URB2: variants seen among roughly 807,000 people sequenced by gnomAD.
The protein encoded by URB2 is URB2 ribosome biogenesis homolog.
Under a neutral mutation model 120.9 loss-of-function variants are expected in URB2, and 86 were observed. The observed-to-expected ratio is 0.71, with a 90% CI of 0.60 to 0.85. The LOEUF (loss-of-function observed/expected upper bound fraction) is 0.85, where lower values mean the gene tolerates loss of function less well. Among genes scored for constraint, URB2 ranks in the 40% least tolerant of loss-of-function variants. The pLI, the probability that URB2 is intolerant of heterozygous loss-of-function variation, is 0.00. For missense variants in URB2, 1,765 were observed against 1,836.5 expected, an observed-to-expected ratio of 0.96 and a Z score of 0.71; for synonymous variants, 755 against 758.4, an observed-to-expected ratio of 1.00 and a Z score of 0.07.
chr1:229,627,279 T>C (rs1340854675), intron 1 of URB2, among the ~76,000 whole-genome samples: 1 of 152,266 alleles, frequency 6.6e-6, no homozygotes, highest in African/African-American at 2.4e-5. Flanking sequence ...TATGAATGAC[T>C]CTTTCCACAA....
Position 229,646,280 on chromosome 1 carries a change from T to A in URB2, c.3906+311T>A, listed in dbSNP as rs554325631. On this transcript the variant is annotated intron_variant, in intron 6 of 9. Transcript: ENST00000258243. ...CTATCGTGGAGGCCTGCTTAATTTT[T>A]AAAATTTTATGTTTTATTATTTTTT... Among the ~76,000 whole-genome samples the A allele has an allele frequency of 1.1e-4, 17 of 152,328 alleles. No homozygotes were observed. In the South Asian group the frequency reaches 3.1e-3, roughly 28 times the overall value.
Position 229,635,086 on chromosome 1 carries a change from G to T in URB2, c.473G>T (p.Cys158Phe), listed in dbSNP as rs746217109. The T allele has an allele frequency of 6.2e-7, 1 of 1,614,074 alleles. No individual in the cohort carries two copies. Among genetic ancestry groups the T allele is most frequent in the Admixed American group, 1.7e-5 (1 of 60,032 alleles). Residue 158 changes from cysteine to phenylalanine, a missense_variant, in exon 4 of 10, where the codon TGC becomes TTC. Physicochemically the swap from Cys to Phe is radical, Grantham distance 205. Coordinates refer to ENST00000258243, the MANE Select transcript of URB2 (RefSeq NM_014777.4). ...ALLSQLCWSACRQPEGAVVAQ... is the reference protein window; with the variant it reads ...ALLSQLCWSAFRQPEGAVVAQ... ...CTGAGCCAGCTTTGCTGGTCGGCCT[G>T]CAGGCAGCCCGAAGGAGCTGTGGTA...
chr1:229,637,694 C>T lies in URB2; in HGVS notation c.3081C>T (p.Thr1027=), dbSNP rs3811475. ...TGGTGCTCAATTTTAGAAAAATCACCGCATTCCTCTCTAGTTCCAAACCAT... is the reference window on the plus strand; with the variant it reads ...TGGTGCTCAATTTTAGAAAAATCACTGCATTCCTCTCTAGTTCCAAACCAT... The part of the protein sequence containing the change: ...LSLVLNFRKI[T]AFLSSSKPYT... Residue 1027 remains threonine (T), a synonymous_variant, in exon 4 of 10, where the codon ACC becomes ACT. Transcript: ENST00000258243. The T allele has an allele frequency of 0.095, 152,841 of 1,614,004 alleles. 14,003 individuals carry two copies. The highest frequency in any genetic ancestry group is 0.47 in the East Asian group (21,268 of 44,866).
chr1:229,654,233 A>C lies in URB2; in HGVS notation c.4238-16A>C. On this transcript the variant is annotated splice_polypyrimidine_tract_variant and intron_variant, in intron 8 of 9. Transcript: ENST00000258243. ...TTTTTGAACTAATTGGTTGGGAAAC[A>C]CTTTGTTGTCTGTAGGAAGCATAGA... 6.2e-7 allele frequency: 1 copy of C among 1,612,364 alleles called. No homozygotes were observed.
chr1:229,636,467 T>G lies in URB2; in HGVS notation c.1854T>G (p.Ala618=). The change falls in exon 4 of 10, where the codon GCT becomes GCG. Residue 618 remains alanine (A), a synonymous_variant. Coordinates refer to ENST00000258243, the MANE Select transcript of URB2 (RefSeq NM_014777.4). ...LLSYTWAQVD[A]MFSLNCSQYH... Reference sequence around the variant, plus strand: ...CTTACACTTGGGCCCAGGTGGACGCTATGTTCAGTTTGAACTGTAGCCAGT... The same window carrying G: ...CTTACACTTGGGCCCAGGTGGACGCGATGTTCAGTTTGAACTGTAGCCAGT... 1 of 1,614,234 alleles carries G rather than the reference T, an allele frequency of 6.2e-7. No homozygotes were observed. Among genetic ancestry groups the G allele is most frequent in the Non-Finnish European group, 8.5e-7 (1 of 1,180,044 alleles).
chr1:229,657,364 C>T (rs1666428891), intron 9 of URB2, among the ~76,000 whole-genome samples: 1 of 152,212 alleles, frequency 6.6e-6, no homozygotes, highest in African/African-American at 2.4e-5. Context: ...GCTGCATTTT[C>T]ACTACTGAGA....
chr1:229,627,603 A>C lies in URB2; in HGVS notation c.-13-18A>C. The C allele has an allele frequency of 2.5e-6, 4 of 1,598,400 alleles. No individual in the cohort carries two copies. The South Asian group carries it at 3.4e-5, about 14-fold the overall frequency. ...ACATTGTTATAGTATTTTTTTTCCCATTGTTTTTAAATTTTAGATAAAGCC... is the reference window on the plus strand; with the variant it reads ...ACATTGTTATAGTATTTTTTTTCCCCTTGTTTTTAAATTTTAGATAAAGCC... On this transcript the variant is annotated intron_variant, in intron 1 of 9. Coordinates refer to ENST00000258243, the MANE Select transcript of URB2 (RefSeq NM_014777.4).
chr1:229,647,046 G>A (rs796878070), intron 6 of URB2, among the ~76,000 whole-genome samples: 18 of 152,304 alleles, frequency 1.2e-4, no homozygotes, highest in African/African-American at 4.3e-4. Flanking sequence ...CCATGCTGAC[G>A]GGCAGGGACA....
chr1:229,632,172 A>C lies in URB2; in HGVS notation c.127-97A>C. ...GGTTCTCCCCCGCCGCCCCCGTGGC[A>C]ATTGGATTTGCTTATACCTGTAATG... On this transcript the variant is annotated intron_variant, in intron 2 of 9. Transcript: ENST00000258243. 8.3e-6 allele frequency: 9 copies of C among 1,079,892 alleles called. No homozygotes were observed. In the East Asian group the frequency reaches 9.2e-5, roughly 11 times the overall value. The allele number at this position is 1,079,892 out of a possible 1,614,324, so 66.9% of individuals were successfully genotyped here. A position where few individuals can be genotyped will look rare whatever the true frequency, so the allele number is the denominator to read the frequency against.
rs562719159 is a variant in URB2, at chr1:229,634,094, A to C, written c.304-823A>C. 2.0e-5 allele frequency among the ~76,000 whole-genome samples: 3 copies of C among 152,214 alleles called. No individual in the cohort carries two copies. The South Asian group carries it at 6.2e-4, about 32-fold the overall frequency. Reference sequence around the variant, plus strand: ...TGATCCGCCCCGACTCAGCCTCCCAAGGTGTTGGGATTACAGGCATGAGCC... The same window carrying C: ...TGATCCGCCCCGACTCAGCCTCCCACGGTGTTGGGATTACAGGCATGAGCC... On this transcript the variant is annotated intron_variant, in intron 3 of 9. Coordinates refer to ENST00000258243, the MANE Select transcript of URB2 (RefSeq NM_014777.4).
At chr1:229,638,383 C>T (rs1665911774) in intron 4 of URB2, 136 bp downstream of exon 4, 3 of 995,010 alleles carry the variant, frequency 3.0e-6, no homozygotes, top group Non-Finnish European at 4.2e-6. Flanking sequence ...CGGTGGCTTA[C>T]ACCTGTAATC....
chr1:229,657,722 A>G (rs1337315807), intron 9 of URB2, among the ~76,000 whole-genome samples: 1 of 152,202 alleles, frequency 6.6e-6, no homozygotes, highest in Non-Finnish European at 1.5e-5. Flanking sequence ...CATCTATAAA[A>G]TGGTAAAATT....
intron 3 of URB2, among the ~76,000 whole-genome samples, chr1:229,633,436 T>C (rs895900099): frequency 2.6e-5 from 4 of 152,242 alleles, no homozygotes; most frequent in African/African-American, 9.6e-5. Context: ...CTGCAGCATA[T>C]GTGCATAATT....
At chr1:229,630,798 G>A (rs1313332516) in intron 2 of URB2, among the ~76,000 whole-genome samples, 1 of 151,938 alleles carries the variant, frequency 6.6e-6, no homozygotes, top group Admixed American at 6.6e-5. Flanking sequence ...GACCAGTCTA[G>A]CCAACATGGC....
At chr1:229,658,363 C>T (rs546663299) in intron 9 of URB2, among the ~76,000 whole-genome samples, 3 of 152,292 alleles carry the variant, frequency 2.0e-5, no homozygotes, top group Non-Finnish European at 4.4e-5. Context: ...CACCCACACT[C>T]CTGTGCTCCA....
Position 229,636,026 on chromosome 1 carries a change from A to G in URB2, c.1413A>G (p.Glu471=). Residue 471 remains glutamate (E), a synonymous_variant, in exon 4 of 10, where the codon GAA becomes GAG. Coordinates refer to ENST00000258243, the MANE Select transcript of URB2 (RefSeq NM_014777.4). ...TCCGACAAGTGCCACGGTTGTTTGA[A>G]GAGGTTTTGGGGGTGATCTGTCGTC... ...AKLRQVPRLF[E]EVLGVICRPA... is the part of the protein sequence containing the mutation. The G allele has an allele frequency of 6.2e-7, 1 of 1,613,840 alleles. No individual in the cohort carries two copies. The highest frequency in any genetic ancestry group is 8.5e-7 in the Non-Finnish European group (1 of 1,179,746).
At chr1:229,641,131 G>A (rs2102790275) in intron 4 of URB2, among the ~76,000 whole-genome samples, 1 of 151,338 alleles carries the variant, frequency 6.6e-6, no homozygotes, top group East Asian at 2.0e-4. Context: ...CCATGCCTCG[G>A]CCTCCTGAGT....
chr1:229,636,328 T>C lies in URB2; in HGVS notation c.1715T>C (p.Met572Thr). 2 of 1,614,206 alleles carry C rather than the reference T, an allele frequency of 1.2e-6. No homozygotes were observed. Among genetic ancestry groups the C allele is most frequent in the South Asian group, 1.1e-5 (1 of 91,086 alleles). ...ATTGTCAGACGGACACAGTGCATGATGGAGAGGATGATGAGGGAGCTCGTG... is the reference window on the plus strand; with the variant it reads ...ATTGTCAGACGGACACAGTGCATGACGGAGAGGATGATGAGGGAGCTCGTG... ...LPIVRRTQCM[M>T]ERMMRELVQP... The change falls in exon 4 of 10, where the codon ATG becomes ACG. Residue 572 changes from methionine (M) to threonine (T), a missense_variant. Transcript: ENST00000258243.
intron 9 of URB2, among the ~76,000 whole-genome samples, chr1:229,655,803 A>G (rs569930249): frequency 2.8e-4 from 42 of 152,368 alleles, no homozygotes; most frequent in African/African-American, 1.0e-3. Flanking sequence ...CAATAGTAAA[A>G]TCACAAGTAA....
Sources: gnomAD v4.1 joint callset for allele counts (sites outside exome capture counted in the v4.1 genomes callset) on GRCh38, gnomAD v4.1.1 for gene constraint, MANE v1.5 for transcripts, NCBI Gene and HGNC (gene_info 2026-07-23, HGNC 2026-07-21) for gene names.